FBXL2: variants seen among roughly 807,000 people sequenced by gnomAD.
FBXL2 encodes F-box/LRR-repeat protein 2.
Under a neutral mutation model 69.2 loss-of-function variants are expected in FBXL2, and 38 were observed. The ratio of observed to expected loss-of-function variants is 0.55; its 90% confidence interval spans 0.42 to 0.72. The LOEUF (loss-of-function observed/expected upper bound fraction) is 0.72, where lower values mean the gene tolerates loss of function less well. Among genes scored for constraint, FBXL2 ranks in the 30% least tolerant of loss-of-function variants. The pLI is 0.00. For synonymous variants in FBXL2, 192 were observed against 201.3 expected, an observed-to-expected ratio of 0.95 and a Z score of 0.39; for missense variants, 354 against 520.3, an observed-to-expected ratio of 0.68 and a Z score of 3.11.
intron 1 of FBXL2, 92 bp downstream of exon 1, chr3:33,277,607 G>A: frequency 8.3e-6 from 10 of 1,210,362 alleles, no homozygotes; most frequent in Non-Finnish European, 9.4e-6. Flanking sequence ...CGGGCAGGCG[G>A]CGCAGGGGTC....
chr3:33,307,451 T>C (rs1256032122), intron 2 of FBXL2, among the ~76,000 whole-genome samples: 1 of 152,142 alleles, frequency 6.6e-6, no homozygotes, highest in Non-Finnish European at 1.5e-5. Flanking sequence ...TGATCCTGAA[T>C]TGGATCCTGG....
the FBXL2 span, among the ~76,000 whole-genome samples, chr3:33,413,530 G>C: frequency 7.4e-6 from 1 of 135,850 alleles, no homozygotes; most frequent in South Asian, 2.4e-4. Flanking sequence ...CTAGGTGACA[G>C]AGCGAGACTC....
the FBXL2 span, among the ~76,000 whole-genome samples, chr3:33,417,618 A>T: frequency 6.6e-6 from 1 of 152,236 alleles, no homozygotes. Flanking sequence ...AGATATTCAC[A>T]CATCAATCTA....
intron 2 of FBXL2, among the ~76,000 whole-genome samples, chr3:33,321,807 ATG>A (rs2038249201): frequency 6.6e-6 from 1 of 152,292 alleles, no homozygotes; most frequent in Admixed American, 6.5e-5. Context: ...GTGTATCTAA[ATG>A]TAGAAAAGGT....
At chr3:33,398,186 T>G (rs1417976403) in intron 12 of FBXL2, 1 of 152,246 alleles carries the variant, frequency 6.6e-6, no homozygotes, top group South Asian at 2.1e-4. Flanking sequence ...AAGATGAACT[T>G]TGGGATGAAG....
intron 2 of FBXL2, among the ~76,000 whole-genome samples, chr3:33,312,046 A>AT (rs2037253095): frequency 6.6e-6 from 1 of 152,068 alleles, no homozygotes. Context: ...ATAGACAACT[A>AT]TTTTTTATTC....
chr3:33,372,411 G>T (rs1248897485), intron 5 of FBXL2: 1 of 152,700 alleles, frequency 6.5e-6, no homozygotes, highest in African/African-American at 2.4e-5. Context: ...ACCAGGGCAG[G>T]TTGGAAGGAG....
Position 33,385,817 on chromosome 3 carries a change from C to T in FBXL2, c.*209C>T. The T allele has an allele frequency of 1.7e-6, 1 of 574,596 alleles. No homozygotes were observed. The highest frequency in any genetic ancestry group is 3.1e-6 in the Non-Finnish European group (1 of 321,290). The allele number at this position is 574,596 out of a possible 1,614,324, so 35.6% of individuals were successfully genotyped here. A position where few individuals can be genotyped will look rare whatever the true frequency, so the allele number is the denominator to read the frequency against. On this transcript the variant is annotated 3_prime_UTR_variant, in exon 15 of 15. Transcript: ENST00000484457. ...AAACAATCAAATCAAAGCCTTGTGT[C>T]AGTTAACACATGACAAGTGGTCTCA...
the FBXL2 span, among the ~76,000 whole-genome samples, chr3:33,409,850 G>A: frequency 0.013 from 2,017 of 152,252 alleles, 19 homozygotes; most frequent in South Asian, 0.027. Flanking sequence ...CTCTAATGCA[G>A]GACTTGGGTC....
intron 1 of FBXL2, among the ~76,000 whole-genome samples, chr3:33,295,294 C>T (rs925312501): frequency 6.6e-6 from 1 of 152,156 alleles, no homozygotes; most frequent in African/African-American, 2.4e-5. Flanking sequence ...TATTTTCTGT[C>T]TCCATGGATT....
chr3:33,414,830 A>G, the FBXL2 span, among the ~76,000 whole-genome samples: 18 of 152,288 alleles, frequency 1.2e-4, no homozygotes, highest in African/African-American at 3.1e-4. Flanking sequence ...ACCCTTTTCA[A>G]TCAGTGGGCT....
At chr3:33,395,762 A>AAAG (rs1345399368) in intron 12 of FBXL2, among the ~76,000 whole-genome samples, 3 of 151,060 alleles carry the variant, frequency 2.0e-5, no homozygotes, top group Non-Finnish European at 4.4e-5. Flanking sequence ...AAAAAAAAAA[A>AAAG]AAAAAAAAAA....
chr3:33,376,617 T>A (rs186067729), intron 10 of FBXL2, among the ~76,000 whole-genome samples: 1,980 of 152,356 alleles, frequency 0.013, 41 homozygotes, highest in African/African-American at 0.045. Context: ...ACAAATTTTT[T>A]AAATTTCCTT....
At chr3:33,350,991 C>T (rs1454475208) in intron 2 of FBXL2, among the ~76,000 whole-genome samples, 2 of 152,004 alleles carry the variant, frequency 1.3e-5, no homozygotes, top group East Asian at 1.9e-4. Flanking sequence ...CTGGGCCGGG[C>T]GTGGTAGCTC....
At chr3:33,329,473 G>T (rs1345032435) in intron 2 of FBXL2, among the ~76,000 whole-genome samples, 2 of 151,404 alleles carry the variant, frequency 1.3e-5, no homozygotes, top group Non-Finnish European at 3.0e-5. Context: ...ACTCCAATGT[G>T]TATTGCAGCA....
At position 33,316,903 on chromosome 3, in the gene FBXL2, T is replaced by C. The variant is rs995653090; in HGVS notation, c.65+19178T>C. Reference sequence around the variant, plus strand: ...ATAGAATTTTCTCTGTTTTTCTTTTTTCTTCTTCTTTTTTTTGAGACAAGA... The same window carrying C: ...ATAGAATTTTCTCTGTTTTTCTTTTCTCTTCTTCTTTTTTTTGAGACAAGA... On this transcript the variant is annotated intron_variant, in intron 2 of 14. Coordinates refer to ENST00000484457, the MANE Select transcript of FBXL2 (RefSeq NM_012157.5). Among the ~76,000 whole-genome samples the C allele has an allele frequency of 5.9e-5, 9 of 152,264 alleles. No individual in the cohort carries two copies. In the South Asian group the frequency reaches 1.7e-3, roughly 28 times the overall value.
intron 2 of FBXL2, among the ~76,000 whole-genome samples, chr3:33,350,929 C>G (rs982314300): frequency 6.6e-6 from 1 of 152,032 alleles, no homozygotes; most frequent in East Asian, 1.9e-4. Context: ...TTGCCCATGT[C>G]ATGAAACCCC....
At chr3:33,401,018 TG>T in intron 12 of FBXL2, 1 of 1,590,144 alleles carries the variant, frequency 6.3e-7, no homozygotes. Flanking sequence ...GAAGAATTGC[TG>T]GGGAGAAAGG....
chr3:33,372,951 A>G, intron 5 of FBXL2, 141 bp from the exon 6 acceptor site: 2 of 739,022 alleles, frequency 2.7e-6, no homozygotes, highest in Non-Finnish European at 4.9e-6. Flanking sequence ...CAGAATCTGC[A>G]CTGTGACAAG....
Sources: allele counts gnomAD v4.1 joint callset (sites outside exome capture counted in the v4.1 genomes callset), GRCh38; gene constraint gnomAD v4.1.1; transcripts MANE v1.5; gene names NCBI Gene and HGNC (gene_info 2026-07-23, HGNC 2026-07-21).